Variants in MTUS2 observed in about 807,000 individuals in gnomAD.
MTUS2 encodes the protein microtubule-associated tumor suppressor candidate 2.
A neutral mutation model predicts 114.1 loss-of-function variants in MTUS2; 40 were observed. The ratio of observed to expected loss-of-function variants is 0.35; its 90% CI spans 0.27 to 0.46. The LOEUF (loss-of-function observed/expected upper bound fraction) is 0.46, where lower values mean the gene tolerates loss of function less well. Ranked by LOEUF, MTUS2 falls within the 20% of genes least tolerant of loss-of-function variation. The pLI, the probability that MTUS2 is intolerant of heterozygous loss-of-function variation, is 1.00. For synonymous variants in MTUS2, 688 were observed against 672.0 expected (o/e 1.02, Z -0.37); for missense variants, 1,679 against 1,705.4 (o/e 0.98, Z 0.27).
intron 2 of MTUS2, among the ~76,000 whole-genome samples, chr13:28,960,433 G>C (rs1414845388): frequency 1.3e-5 from 2 of 150,448 alleles, no homozygotes; most frequent in African/African-American, 5.0e-5. Flanking sequence ...GTACACAGAT[G>C]TTCATAGTAT....
intron 1 of MTUS2, among the ~76,000 whole-genome samples, chr13:28,824,721 G>C (rs543414841): frequency 6.6e-5 from 10 of 150,784 alleles, no homozygotes; most frequent in African/African-American, 2.2e-4. Context: ...TGTCTCCATA[G>C]GCCAGGCACT....
chr13:28,905,334 C>T (rs1022984174), intron 2 of MTUS2, among the ~76,000 whole-genome samples: 2 of 151,450 alleles, frequency 1.3e-5, no homozygotes, highest in Non-Finnish European at 2.9e-5. Flanking sequence ...TCTTGTGCCT[C>T]TTTTCGAAGG....
intron 4 of MTUS2, among the ~76,000 whole-genome samples, chr13:29,082,083 T>A (rs1889469402): frequency 6.6e-6 from 1 of 152,138 alleles, no homozygotes; most frequent in Non-Finnish European, 1.5e-5. Flanking sequence ...CAATTAGTTT[T>A]AGATGAGGTC....
chr13:28,904,006 T>A (rs1476229599), intron 2 of MTUS2, among the ~76,000 whole-genome samples: 1 of 152,234 alleles, frequency 6.6e-6, no homozygotes, highest in Non-Finnish European at 1.5e-5. Flanking sequence ...ATTTCTCTGA[T>A]AGCCAGTGAT....
chr13:28,900,439 C>T (rs1247002321), intron 2 of MTUS2, among the ~76,000 whole-genome samples: 1 of 152,178 alleles, frequency 6.6e-6, no homozygotes, highest in Admixed American at 6.5e-5. Flanking sequence ...ACTGTTCCCC[C>T]AACCTGCTCT....
chr13:29,178,759 C>G (rs1265870286), intron 5 of MTUS2, among the ~76,000 whole-genome samples: 1 of 151,986 alleles, frequency 6.6e-6, no homozygotes, highest in African/African-American at 2.4e-5. Flanking sequence ...TAAGTCTCCC[C>G]AAAACCTTAT....
At chr13:29,027,848 GTTT>G (rs1886632982) in intron 3 of MTUS2, among the ~76,000 whole-genome samples, 1 of 152,136 alleles carries the variant, frequency 6.6e-6, no homozygotes, top group African/African-American at 2.4e-5. Flanking sequence ...CGGTATTGCA[GTTT>G]TTATCACCGT....
chr13:29,093,698 C>T (rs1264979439), intron 4 of MTUS2, among the ~76,000 whole-genome samples: 1 of 152,184 alleles, frequency 6.6e-6, no homozygotes, highest in Non-Finnish European at 1.5e-5. Context: ...ATGTCATCTG[C>T]AAAGAGAAAG....
intron 10 of MTUS2, among the ~76,000 whole-genome samples, chr13:29,483,382 T>C (rs1477027288): frequency 6.6e-6 from 1 of 152,250 alleles, no homozygotes; most frequent in Non-Finnish European, 1.5e-5. Context: ...GCTTCTTGCT[T>C]GGCCCCCCGC....
chr13:29,375,024 A>C (rs1423178878), intron 8 of MTUS2, among the ~76,000 whole-genome samples: 2 of 152,220 alleles, frequency 1.3e-5, no homozygotes, highest in African/African-American at 4.8e-5. Flanking sequence ...AGAACTGTTA[A>C]AGAAATTGCT....
At chr13:29,444,981 C>G (rs1258566681) in intron 9 of MTUS2, among the ~76,000 whole-genome samples, 1 of 152,186 alleles carries the variant, frequency 6.6e-6, no homozygotes, top group African/African-American at 2.4e-5. Context: ...GGGAGCTAAG[C>G]ATGGAAAGTA....
chr13:29,401,743 C>T (rs1200944542), intron 8 of MTUS2, among the ~76,000 whole-genome samples: 2 of 152,164 alleles, frequency 1.3e-5, no homozygotes, highest in African/African-American at 4.8e-5. Context: ...TAGTTTTATC[C>T]ACTATGGTTT....
intron 8 of MTUS2, among the ~76,000 whole-genome samples, chr13:29,371,510 G>T (rs1184364338): frequency 6.6e-6 from 1 of 152,140 alleles, no homozygotes; most frequent in Non-Finnish European, 1.5e-5. Context: ...GAGCCACTGT[G>T]CCCGGCCTCT....
chr13:29,400,178 C>T (rs1028976119), intron 8 of MTUS2, among the ~76,000 whole-genome samples: 1 of 151,986 alleles, frequency 6.6e-6, no homozygotes, highest in Non-Finnish European at 1.5e-5. Flanking sequence ...ATTTACCCAC[C>T]CACACACTCT....
rs148233558 is a variant in MTUS2 at position 29,443,289 on chromosome 13, C to T, written c.3184+3240C>T. Among the ~76,000 whole-genome samples the T allele has an allele frequency of 1.8e-3, 272 of 152,342 alleles. 2 individuals carry two copies. The highest frequency in any genetic ancestry group is 6.8e-3 in the Middle Eastern group (2 of 294). On this transcript the variant is annotated intron_variant, in intron 9 of 15. Transcript: ENST00000612955. ...GAATTTCTCCCTAGAGAGACTTCTGCACTCCCCATGGGCAAGCTTTGGCTC... is the reference window on the plus strand; with the variant it reads ...GAATTTCTCCCTAGAGAGACTTCTGTACTCCCCATGGGCAAGCTTTGGCTC...
chr13:28,889,131 A>T (rs1878768837), intron 2 of MTUS2, among the ~76,000 whole-genome samples: 1 of 152,148 alleles, frequency 6.6e-6, no homozygotes, highest in Non-Finnish European at 1.5e-5. Context: ...GATGGTGGTG[A>T]CAGGTTCATT....
chr13:29,208,563 G>T (rs1895291884), intron 5 of MTUS2, among the ~76,000 whole-genome samples: 1 of 151,874 alleles, frequency 6.6e-6, no homozygotes, highest in Non-Finnish European at 1.5e-5. Context: ...CAGGTATTTA[G>T]TGCTCCGAAC....
intron 6 of MTUS2, among the ~76,000 whole-genome samples, chr13:29,291,382 C>T (rs144443119): frequency 2.6e-5 from 4 of 152,320 alleles, no homozygotes; most frequent in African/African-American, 7.2e-5. Context: ...GTGTCTTAAG[C>T]CTCCATTTTT....
chr13:28,933,330 A>T lies in MTUS2; in HGVS notation c.-242-91127A>T, dbSNP rs1201986031. On this transcript the variant is annotated intron_variant, in intron 2 of 15. Transcript: ENST00000612955. ...TGCAGGCCAGGAAGGCTGGAAACTC[A>T]GGCAGGGTTTCTCTGTTGCAGTATT... 5.3e-5 allele frequency among the ~76,000 whole-genome samples: 8 copies of T among 152,306 alleles called. No homozygotes were observed. In the East Asian group the frequency reaches 1.5e-3, roughly 29 times the overall value.
Sources: gnomAD v4.1 joint callset for allele counts (sites outside exome capture counted in the v4.1 genomes callset) on GRCh38, gnomAD v4.1.1 for gene constraint, MANE v1.5 for transcripts, NCBI Gene and HGNC (gene_info 2026-07-23, HGNC 2026-07-21) for gene names.